Variants in TLCD4 observed in about 807,000 individuals in gnomAD.
The protein encoded by TLCD4 is TLC domain-containing protein 4.
Under a neutral mutation model 24.2 loss-of-function variants are expected in TLCD4, and 7 were observed. That is an observed-to-expected ratio of 0.29 (90% CI 0.16 to 0.54). The LOEUF (loss-of-function observed/expected upper bound fraction) is 0.54. Among genes scored for constraint, TLCD4 ranks in the 20% least tolerant of loss-of-function variants. TLCD4 has a pLI of 0.95. For synonymous variants in TLCD4, 103 were observed against 106.4 expected (o/e 0.97, Z 0.20); for missense variants, 259 against 313.9 (o/e 0.82, Z 1.32).
rs1193926591 is a variant in TLCD4, at chr1:95,192,714, TTAA to T, written c.*848_*850del. 4 of 152,220 alleles carry T rather than the reference TTAA, an allele frequency of 2.6e-5. No homozygotes were observed. Among genetic ancestry groups the T allele is most frequent in the Non-Finnish European group, 4.4e-5 (3 of 68,024 alleles). The allele number at this position is 152,220 out of a possible 1,614,324, so 9.4% of individuals were successfully genotyped here. On this transcript the variant is annotated 3_prime_UTR_variant, in exon 7 of 7. Transcript: ENST00000370203. ...TTCATTTCAGACATGCAATCACCTA[TTAA>T]TGATGAAATATTTTACCACTTTGGG...
chr1:95,109,912 CATATATAT>C, the TLCD4 span, among the ~76,000 whole-genome samples: 15,478 of 79,974 alleles, frequency 0.19, 1,687 homozygotes, highest in South Asian at 0.25. Flanking sequence ...TGTGTGTATG[CATATATAT>C]ATATATATAT....
At chr1:95,157,758 A>T (rs1354466353) in intron 5 of TLCD4, among the ~76,000 whole-genome samples, 1 of 152,182 alleles carries the variant, frequency 6.6e-6, no homozygotes, top group Non-Finnish European at 1.5e-5. Context: ...ACAACATTTC[A>T]AGAGTAATTG....
intron 6 of TLCD4, 80 bp downstream of exon 6, chr1:95,173,969 C>A (rs1050677614): frequency 1.3e-6 from 2 of 1,565,238 alleles, no homozygotes; most frequent in African/African-American, 2.7e-5. Context: ...CCGTGATCCT[C>A]AAGTTACTAT....
chr1:95,168,036 A>G (rs1339717824), intron 5 of TLCD4, among the ~76,000 whole-genome samples: 1 of 152,180 alleles, frequency 6.6e-6, no homozygotes, highest in African/African-American at 2.4e-5. Context: ...ATCAAATGGC[A>G]TTCTTAGACA....
chr1:95,108,140 G>A, the TLCD4 span, among the ~76,000 whole-genome samples: 1 of 151,714 alleles, frequency 6.6e-6, no homozygotes, highest in Admixed American at 6.6e-5. Context: ...TGATATATAA[G>A]CTTCTTATAT....
intron 1 of TLCD4, among the ~76,000 whole-genome samples, chr1:95,118,767 A>G (rs1282156943): frequency 2.0e-5 from 3 of 152,194 alleles, no homozygotes; most frequent in Non-Finnish European, 2.9e-5. Context: ...TATATGAGGA[A>G]TTTTTATCCT....
intron 5 of TLCD4, among the ~76,000 whole-genome samples, chr1:95,155,681 T>A (rs1353025444): frequency 1.3e-5 from 2 of 151,714 alleles, no homozygotes; most frequent in East Asian, 3.9e-4. Flanking sequence ...TATTGACGGG[T>A]ACAGGATCAG....
chr1:95,104,778 A>G, the TLCD4 span, among the ~76,000 whole-genome samples: 1 of 151,950 alleles, frequency 6.6e-6, no homozygotes, highest in Admixed American at 6.6e-5. Flanking sequence ...CAGAAATCCC[A>G]GCACTTTGGG....
chr1:95,191,427 C>G, intron 6 of TLCD4, 123 bp from the exon 7 acceptor site: 1 of 1,218,776 alleles, frequency 8.2e-7, no homozygotes, highest in East Asian at 2.6e-5. Context: ...TTCAGCATTG[C>G]GTATGCTATT....
At chr1:95,121,561 C>T (rs2100900557) in intron 1 of TLCD4, among the ~76,000 whole-genome samples, 1 of 152,352 alleles carries the variant, frequency 6.6e-6, no homozygotes, top group East Asian at 1.9e-4. Flanking sequence ...ACTTCCGCCT[C>T]CCGGCTTCAA....
chr1:95,106,615 C>G, the TLCD4 span, among the ~76,000 whole-genome samples: 1 of 152,116 alleles, frequency 6.6e-6, no homozygotes, highest in South Asian at 2.1e-4. Flanking sequence ...ATTGCTTGAA[C>G]GTGGGATGTG....
At chr1:95,165,447 T>C (rs1280282761) in intron 5 of TLCD4, among the ~76,000 whole-genome samples, 1 of 150,618 alleles carries the variant, frequency 6.6e-6, no homozygotes, top group Non-Finnish European at 1.5e-5. Flanking sequence ...CTTGGGCAAA[T>C]AGTATGTGTG....
At position 95,167,117 on chromosome 1, in the gene TLCD4, C is replaced by T. The variant is rs887812571; in HGVS notation, c.400-6699C>T. Among the ~76,000 whole-genome samples the T allele has an allele frequency of 5.9e-5, 9 of 151,854 alleles. No individual in the cohort carries two copies. In the East Asian group the frequency reaches 7.8e-4, roughly 13 times the overall value. ...ATTTTTCCTGATGGCCCTCAGTATGCGTCTCATTTTATTCTCATGTCAGTC... is the reference window on the plus strand; with the variant it reads ...ATTTTTCCTGATGGCCCTCAGTATGTGTCTCATTTTATTCTCATGTCAGTC... On this transcript the variant is annotated intron_variant, in intron 5 of 6. Coordinates refer to ENST00000370203, the MANE Select transcript of TLCD4 (RefSeq NM_152487.3).
At chr1:95,141,521 A>G (rs1205071288) in intron 1 of TLCD4, among the ~76,000 whole-genome samples, 1 of 151,878 alleles carries the variant, frequency 6.6e-6, no homozygotes, top group Non-Finnish European at 1.5e-5. Context: ...TTTTTTTCCA[A>G]TTTTGTGTCC....
intron 5 of TLCD4, among the ~76,000 whole-genome samples, chr1:95,167,828 A>C (rs887401135): frequency 6.6e-6 from 1 of 152,094 alleles, no homozygotes; most frequent in Non-Finnish European, 1.5e-5. Context: ...TTCGACCCCC[A>C]CATTCTCACC....
chr1:95,102,333 T>A, the TLCD4 span, among the ~76,000 whole-genome samples: 1 of 151,578 alleles, frequency 6.6e-6, no homozygotes, highest in African/African-American at 2.4e-5. Context: ...TGAGTGAGAG[T>A]AAGGGTAGAG....
At chr1:95,134,346 G>A (rs1477276417) in intron 1 of TLCD4, among the ~76,000 whole-genome samples, 1 of 152,168 alleles carries the variant, frequency 6.6e-6, no homozygotes, top group Admixed American at 6.5e-5. Flanking sequence ...GTAACTGAAT[G>A]GCAGGACCCT....
intron 2 of TLCD4, among the ~76,000 whole-genome samples, 182 bp downstream of exon 2, chr1:95,144,238 T>C (rs1571741145): frequency 1.3e-5 from 2 of 152,344 alleles, no homozygotes; most frequent in South Asian, 4.1e-4. Context: ...AGAATTCATA[T>C]ATTGAAAGAT....
At chr1:95,153,325 A>G (rs1285120731) in intron 5 of TLCD4, among the ~76,000 whole-genome samples, 2 of 152,136 alleles carry the variant, frequency 1.3e-5, no homozygotes, top group African/African-American at 4.8e-5. Flanking sequence ...TTGCCATAAT[A>G]AAAATGTTAA....
Sources: gnomAD v4.1 joint callset for allele counts (sites outside exome capture counted in the v4.1 genomes callset) on GRCh38, gnomAD v4.1.1 for gene constraint, MANE v1.5 for transcripts, NCBI Gene and HGNC (gene_info 2026-07-23, HGNC 2026-07-21) for gene names.